Variants in DMD observed in about 807,000 individuals in gnomAD.
The protein encoded by DMD is mutant dystrophin.
DMD carries 63 observed loss-of-function variants against 330.1 expected under a neutral mutation model. The ratio of observed to expected loss-of-function variants is 0.19; its 90% CI spans 0.16 to 0.24. DMD has a LOEUF of 0.24. DMD is among the 10% of genes least tolerant of loss of function. DMD has a pLI of 1.00. For missense variants in DMD, 3,344 were observed against 2,684.1 expected (o/e 1.25, Z -5.43); for synonymous variants, 1,223 against 959.8 (o/e 1.27, Z -5.07).
chrX:32,223,792 T>C (rs2097139076), intron 43 of DMD, among the ~76,000 whole-genome samples: 1 of 112,253 alleles, frequency 8.9e-6, no homozygotes. Flanking sequence ...TATTTCATTT[T>C]AGTTTTAATT....
At chrX:32,213,205 C>CAGT (rs2097099755) in intron 44 of DMD, among the ~76,000 whole-genome samples, 1 of 112,088 alleles carries the variant, frequency 8.9e-6, no homozygotes, top group South Asian at 3.7e-4. Context: ...TCACAGTAAC[C>CAGT]ATTACTGGCT....
chrX:32,859,042 C>T (rs962098618), intron 2 of DMD, among the ~76,000 whole-genome samples: 1 of 111,499 alleles, frequency 9.0e-6, no homozygotes, highest in South Asian at 3.8e-4. Flanking sequence ...CCGTGAGGTT[C>T]AACTGCAACA....
intron 60 of DMD, among the ~76,000 whole-genome samples, chrX:31,442,226 A>G (rs1331617221): frequency 8.9e-6 from 1 of 112,104 alleles, no homozygotes; most frequent in Non-Finnish European, 1.9e-5. Flanking sequence ...GAATCATAAG[A>G]TTGAACTGTA....
intron 2 of DMD, among the ~76,000 whole-genome samples, chrX:32,912,947 A>T (rs2087422732): frequency 1.8e-5 from 2 of 112,559 alleles, no homozygotes; most frequent in South Asian, 7.3e-4. Flanking sequence ...AGACAGATAC[A>T]TGTTTAACTG....
chrX:32,508,608 T>C (rs1206335617), intron 18 of DMD, among the ~76,000 whole-genome samples: 2 of 111,039 alleles, frequency 1.8e-5, no homozygotes, highest in Non-Finnish European at 3.8e-5. Context: ...ATACCTACCA[T>C]GTGGGACTTC....
chrX:31,240,483 G>T (rs1344047217), intron 63 of DMD, among the ~76,000 whole-genome samples: 7 of 111,076 alleles, frequency 6.3e-5, no homozygotes, highest in Non-Finnish European at 1.3e-4. Context: ...TTTAATGATT[G>T]AGTATTAAAT....
At position 32,634,383 on chromosome X, in the gene DMD, T is replaced by C. The variant is rs73467307; in HGVS notation, c.1331+9749A>G. On this transcript the variant is annotated intron_variant, in intron 11 of 78. Coordinates refer to ENST00000357033, the MANE Select transcript of DMD (RefSeq NM_004006.3). ...CCAAAGTCCCCTTTACTCTCACCTC[T>C]CCTTTCCTGAAGCAGAAGGATTCTC... Among the ~76,000 whole-genome samples the C allele has an allele frequency of 7.9e-3, 884 of 111,705 alleles. 16 individuals are homozygous for C. The highest frequency in any genetic ancestry group is 0.027 in the African/African-American group (827 of 30,725).
intron 18 of DMD, 85 bp downstream of exon 18, chrX:32,517,923 A>G: frequency 1.0e-6 from 1 of 988,517 alleles, no homozygotes; most frequent in East Asian, 3.0e-5. Context: ...TTAATCTATC[A>G]ACTAGTAGAA....
At chrX:31,765,806 T>G (rs184729162) in intron 51 of DMD, among the ~76,000 whole-genome samples, 1 of 111,386 alleles carries the variant, frequency 9.0e-6, no homozygotes, top group Admixed American at 9.6e-5. Flanking sequence ...AAATCCAAAT[T>G]ATTACTCTAG....
chrX:32,736,083 A>C (rs907142759), intron 7 of DMD, among the ~76,000 whole-genome samples: 1 of 111,758 alleles, frequency 8.9e-6, no homozygotes, highest in African/African-American at 3.3e-5. Flanking sequence ...AAAACAAACA[A>C]CCCCATCAAA....
At chrX:33,014,810 G>C (rs2093768768) in intron 2 of DMD, among the ~76,000 whole-genome samples, 1 of 106,215 alleles carries the variant, frequency 9.4e-6, no homozygotes, top group Non-Finnish European at 1.9e-5. Context: ...ACAAAAATGG[G>C]AATATTTTGT....
At chrX:31,978,341 T>C (rs1603618881) in intron 44 of DMD, among the ~76,000 whole-genome samples, 1 of 111,341 alleles carries the variant, frequency 9.0e-6, no homozygotes, top group East Asian at 2.9e-4. Context: ...TCCTAATTGT[T>C]ATACTTCTTG....
At chrX:32,016,461 A>T (rs747385342) in intron 44 of DMD, among the ~76,000 whole-genome samples, 1 of 110,949 alleles carries the variant, frequency 9.0e-6, no homozygotes, top group African/African-American at 3.3e-5. Flanking sequence ...TATCCTACTC[A>T]CCTCCCCACA....
chrX:31,299,821 A>T (rs2148072837), intron 62 of DMD, among the ~76,000 whole-genome samples: 1 of 108,966 alleles, frequency 9.2e-6, no homozygotes, highest in African/African-American at 3.3e-5. Flanking sequence ...TGATACAGGT[A>T]AGCTATTTGA....
intron 54 of DMD, among the ~76,000 whole-genome samples, chrX:31,657,176 A>G (rs1390985339): frequency 9.0e-6 from 1 of 111,272 alleles, no homozygotes; most frequent in African/African-American, 3.3e-5. Context: ...CTCATATTGT[A>G]CAGGTGCTAT....
intron 63 of DMD, among the ~76,000 whole-genome samples, chrX:31,260,489 C>T (rs926561032): frequency 8.9e-6 from 1 of 111,782 alleles, no homozygotes; most frequent in East Asian, 2.8e-4. Context: ...TAAATGTTCA[C>T]ATTAATGACC....
rs995378310 is a variant in DMD at position 31,657,041 on chromosome X, C to T, written c.8027+949G>A. On this transcript the variant is annotated intron_variant, in intron 54 of 78. Transcript: ENST00000357033. ...ATCTCATTTCTCCTAAGACTTCCTACTCTTAGTTCAAAATCTGTTTTGGCC... is the reference window on the plus strand; with the variant it reads ...ATCTCATTTCTCCTAAGACTTCCTATTCTTAGTTCAAAATCTGTTTTGGCC... Among the ~76,000 whole-genome samples, 6 of 111,996 alleles carry T rather than the reference C, an allele frequency of 5.4e-5. No homozygotes were observed. The Admixed American group carries it at 5.7e-4, about 11-fold the overall frequency.
chrX:31,667,787 T>C (rs1448702002), intron 53 of DMD, among the ~76,000 whole-genome samples: 15 of 111,288 alleles, frequency 1.3e-4, no homozygotes, highest in Non-Finnish European at 2.5e-4. Flanking sequence ...CCCATAAATA[T>C]ATATACCTAC....
intron 49 of DMD, among the ~76,000 whole-genome samples, chrX:31,832,898 G>C (rs1414461599): frequency 8.9e-6 from 1 of 111,774 alleles, no homozygotes; most frequent in Non-Finnish European, 1.9e-5. Context: ...AAATGAGTAT[G>C]AATACAAGAA....
Sources: gnomAD v4.1 joint callset for allele counts (sites outside exome capture counted in the v4.1 genomes callset) on GRCh38, gnomAD v4.1.1 for gene constraint, MANE v1.5 for transcripts, NCBI Gene and HGNC (gene_info 2026-07-23, HGNC 2026-07-21) for gene names.